CLPSL1: variants seen among roughly 807,000 people sequenced by gnomAD.
CLPSL1 encodes colipase-like protein 1.
Under a neutral mutation model 9.3 loss-of-function variants are expected in CLPSL1, and 13 were observed. The observed-to-expected ratio is 1.40, with a 90% confidence interval of 0.91 to 2.22. The LOEUF (loss-of-function observed/expected upper bound fraction) is 2.22, where lower values mean the gene tolerates loss of function less well. Among genes scored for constraint, CLPSL1 ranks in the 30% most tolerant of loss-of-function variants. The pLI, the probability that CLPSL1 is intolerant of heterozygous loss-of-function variation, is 0.00. For synonymous variants in CLPSL1, 58 were observed against 56.9 expected (o/e 1.02, Z -0.08); for missense variants, 164 against 146.6 (o/e 1.12, Z -0.61).
chr6:35,782,644 T>C (rs1438858766), intron 1 of CLPSL1, among the ~76,000 whole-genome samples: 1 of 152,170 alleles, frequency 6.6e-6, no homozygotes, highest in African/African-American at 2.4e-5. Flanking sequence ...CAAGCGCAAA[T>C]GCCCTGGGGC....
chr6:35,791,435 C>G (rs1009929528), downstream of CLPSL1, among the ~76,000 whole-genome samples: 6 of 152,128 alleles, frequency 3.9e-5, no homozygotes, highest in Non-Finnish European at 7.3e-5. Flanking sequence ...ATGGTGAAAC[C>G]CCGTCTCTAC....
chr6:35,781,266 A>G, intron 1 of CLPSL1, 57 bp downstream of exon 1: 1 of 1,586,016 alleles, frequency 6.3e-7, no homozygotes, highest in East Asian at 2.3e-5. Context: ...GGCCTGTACT[A>G]TTTGGGGAGG....
chr6:35,794,039 G>A (rs542948427), downstream of CLPSL1, among the ~76,000 whole-genome samples: 1 of 152,350 alleles, frequency 6.6e-6, no homozygotes, highest in African/African-American at 2.4e-5. Context: ...TCATAAGGCC[G>A]GGCACGGTGG....
intron 1 of CLPSL1, among the ~76,000 whole-genome samples, chr6:35,783,690 C>T (rs1768012799): frequency 6.6e-6 from 1 of 151,694 alleles, no homozygotes; most frequent in African/African-American, 2.4e-5. Context: ...TGCCTGTAAT[C>T]CCAGCTACTC....
In CLPSL1 at chr6:35,787,326, C is replaced by CTGGAT. The variant is rs756887587; in HGVS notation, c.222+210_222+214dup. Among the ~76,000 whole-genome samples, 15 of 152,384 alleles carry CTGGAT rather than the reference C, an allele frequency of 9.8e-5. No individual in the cohort carries two copies. The South Asian group carries it at 2.9e-3, about 29-fold the overall frequency. ...TAGCCCACCCTAGGGTTTTGGAATC[C>CTGGAT]TGGATTGGGGCGGGAAGGCGATGTT... On this transcript the variant is annotated intron_variant, in intron 2 of 2. Transcript: ENST00000373861.
chr6:35,786,313 T>C (rs1238351560), intron 1 of CLPSL1, among the ~76,000 whole-genome samples: 1 of 152,208 alleles, frequency 6.6e-6, no homozygotes, highest in Non-Finnish European at 1.5e-5. Context: ...ACATTTCAAG[T>C]GCTCAGTAGT....
chr6:35,787,079 T>G lies in CLPSL1; in HGVS notation c.181T>G (p.Cys61Gly), dbSNP rs768216479. ...TGCTCCAGACAATTGCGAGTCGCAC[T>G]GCGCGGAGAAGGGGTCCGAGGGCAG... ...QRAPDNCESH[C>G]AEKGSEGSLC... Residue 61 changes from cysteine (C) to glycine (G), a missense_variant, in exon 2 of 3, where the codon TGC (cysteine) becomes GGC (glycine). Coordinates refer to ENST00000373861, the MANE Select transcript of CLPSL1 (RefSeq NM_001010886.5). 1 of 1,609,938 alleles carries G rather than the reference T, an allele frequency of 6.2e-7. No homozygotes were observed. Among genetic ancestry groups the G allele is most frequent in the African/African-American group, 1.3e-5 (1 of 75,078 alleles).
At position 35,788,084 on chromosome 6, in the gene CLPSL1, T is replaced by G; in HGVS notation, c.*74T>G. On this transcript the variant is annotated 3_prime_UTR_variant, in exon 3 of 3. Coordinates refer to ENST00000373861, the MANE Select transcript of CLPSL1 (RefSeq NM_001010886.5). ...TACCCAGAGCTCTGTGTTCACCCTG[T>G]TCCCCAGAGCCTCCACCATGAGTGG... 7 of 1,150,302 alleles carry G rather than the reference T, an allele frequency of 6.1e-6. No individual in the cohort carries two copies. The highest frequency in any genetic ancestry group is 5.1e-6 in the Non-Finnish European group (4 of 780,822). 71.3% of individuals were successfully genotyped at this position (1,150,302 alleles called of 1,614,324 possible). A position where few individuals can be genotyped will look rare whatever the true frequency, so the allele number is the denominator to read the frequency against.
At chr6:35,789,534 A>T (rs2151062761), downstream of CLPSL1, among the ~76,000 whole-genome samples, 1 of 152,398 alleles carries the variant, frequency 6.6e-6, no homozygotes, top group Middle Eastern at 3.4e-3. Context: ...CTTGACAATG[A>T]TTTTTTGGAT....
Position 35,781,221 on chromosome 6 carries a change from G to A in CLPSL1, c.99+12G>A. 3 of 1,612,706 alleles carry A rather than the reference G, an allele frequency of 1.9e-6. No individual in the cohort carries two copies. The Admixed American group carries it at 5.0e-5, about 27-fold the overall frequency. On this transcript the variant is annotated intron_variant, in intron 1 of 2. Coordinates refer to ENST00000373861, the MANE Select transcript of CLPSL1 (RefSeq NM_001010886.5). ...AATACAACCTTTTGGTAAGAAAGCTGGAGAGTGCAGTCACCTCCCCCTCCA... is the reference window on the plus strand; with the variant it reads ...AATACAACCTTTTGGTAAGAAAGCTAGAGAGTGCAGTCACCTCCCCCTCCA...
In CLPSL1 at chr6:35,781,057, C is replaced by A; in HGVS notation, c.-54C>A. On this transcript the variant is annotated 5_prime_UTR_variant, in exon 1 of 3. Coordinates refer to ENST00000373861, the MANE Select transcript of CLPSL1 (RefSeq NM_001010886.5). Reference sequence around the variant, plus strand: ...ACAGCTGGGAGGACACCCACATGGTCGGCGTGCAGGATATTTCGCTGGACC... The same window carrying A: ...ACAGCTGGGAGGACACCCACATGGTAGGCGTGCAGGATATTTCGCTGGACC... The A allele has an allele frequency of 1.9e-6, 3 of 1,600,934 alleles. No individual in the cohort carries two copies. In the South Asian group the frequency reaches 3.4e-5, roughly 18 times the overall value.
chr6:35,788,256 A>G, downstream of CLPSL1: 1 of 490,208 alleles, frequency 2.0e-6, no homozygotes, highest in South Asian at 2.0e-5. Flanking sequence ...AGGAAGGGAC[A>G]CTGTTGGACT....
At chr6:35,782,152 AG>A (rs1339019727) in intron 1 of CLPSL1, among the ~76,000 whole-genome samples, 1 of 152,184 alleles carries the variant, frequency 6.6e-6, no homozygotes, top group African/African-American at 2.4e-5. Context: ...TAACCGGCAA[AG>A]CAGGGGGGTC....
downstream of CLPSL1, among the ~76,000 whole-genome samples, chr6:35,789,616 G>A (rs1184266417): frequency 6.6e-6 from 1 of 152,258 alleles, no homozygotes; most frequent in African/African-American, 2.4e-5. Context: ...GCTCTGGACC[G>A]AGCACGGTGG....
intron 1 of CLPSL1, among the ~76,000 whole-genome samples, chr6:35,781,828 C>T (rs1006277348): frequency 2.7e-5 from 4 of 150,686 alleles, no homozygotes; most frequent in African/African-American, 9.8e-5. Context: ...TCACTGCAAA[C>T]TTAGCCTCCT....
intron 1 of CLPSL1, among the ~76,000 whole-genome samples, chr6:35,783,519 A>G (rs1221486773): frequency 2.0e-4 from 30 of 151,710 alleles, no homozygotes; most frequent in Admixed American, 5.3e-4. Flanking sequence ...CAAAAAAAAA[A>G]AGGGGGGCTG....
At chr6:35,792,506 TG>T (rs1768240325), downstream of CLPSL1, among the ~76,000 whole-genome samples, 2 of 152,396 alleles carry the variant, frequency 1.3e-5, no homozygotes, top group Admixed American at 1.3e-4. Context: ...CCATTGTAAG[TG>T]GGGACCATCT....
At chr6:35,783,133 A>T (rs1767999421) in intron 1 of CLPSL1, among the ~76,000 whole-genome samples, 1 of 152,088 alleles carries the variant, frequency 6.6e-6, no homozygotes, top group African/African-American at 2.4e-5. Flanking sequence ...AGTCAATAGC[A>T]CCAAAGGCAA....
chr6:35,793,691 T>C (rs1224566271), downstream of CLPSL1: 2 of 435,908 alleles, frequency 4.6e-6, no homozygotes, highest in Non-Finnish European at 9.5e-6. Flanking sequence ...TGGGTTTTTC[T>C]GCTACTCACA....
Sources: allele counts gnomAD v4.1 joint callset (sites outside exome capture counted in the v4.1 genomes callset), GRCh38; gene constraint gnomAD v4.1.1; transcripts MANE v1.5; gene names NCBI Gene and HGNC (gene_info 2026-07-23, HGNC 2026-07-21).